Variants in NBAS observed in about 807,000 individuals in gnomAD.
The protein encoded by NBAS is NBAS subunit of NRZ tethering complex.
NBAS carries 219 observed loss-of-function variants against 302.5 expected under a neutral mutation model. The observed-to-expected ratio is 0.72, with a 90% CI of 0.65 to 0.81. NBAS has a LOEUF of 0.81. Ranked by LOEUF, NBAS falls within the 30% of genes least tolerant of loss-of-function variation. The pLI, the probability that NBAS is intolerant of heterozygous loss-of-function variation, is 0.00. For synonymous variants in NBAS, 1,118 were observed against 1,021.6 expected, an observed-to-expected ratio of 1.09 and a Z score of -1.80; for missense variants, 2,932 against 2,841.6, an observed-to-expected ratio of 1.03 and a Z score of -0.72.
At chr2:15,406,836 A>G (rs1243110734) in intron 25 of NBAS, among the ~76,000 whole-genome samples, 2 of 152,204 alleles carry the variant, frequency 1.3e-5, no homozygotes, top group Non-Finnish European at 2.9e-5. Context: ...ACAACACTGA[A>G]ATACCATTTC....
the NBAS span, among the ~76,000 whole-genome samples, chr2:14,857,849 G>A: frequency 3.3e-5 from 5 of 152,264 alleles, no homozygotes; most frequent in Admixed American, 3.3e-4. Flanking sequence ...AAAAGAATCT[G>A]CACAGCAAAG....
At chr2:15,521,384 C>T (rs970607291) in intron 9 of NBAS, among the ~76,000 whole-genome samples, 3 of 152,180 alleles carry the variant, frequency 2.0e-5, no homozygotes, top group Non-Finnish European at 4.4e-5. Context: ...TCCATTCATA[C>T]AGTTGTTCCA....
At chr2:15,138,237 G>A in the NBAS span, among the ~76,000 whole-genome samples, 1 of 152,160 alleles carries the variant, frequency 6.6e-6, no homozygotes, top group Admixed American at 6.5e-5. Context: ...TGCTTCTCTT[G>A]TAGGGGAGAA....
At chr2:15,075,760 TACAC>T in the NBAS span, among the ~76,000 whole-genome samples, 36 of 150,072 alleles carry the variant, frequency 2.4e-4, no homozygotes, top group African/African-American at 6.4e-4. Flanking sequence ...CCAAAATTTA[TACAC>T]ACACACACAC....
the NBAS span, among the ~76,000 whole-genome samples, chr2:14,986,363 C>T: frequency 6.6e-6 from 1 of 152,102 alleles, no homozygotes; most frequent in Non-Finnish European, 1.5e-5. Flanking sequence ...AAAGAATACA[C>T]TTAACACTAC....
the NBAS span, among the ~76,000 whole-genome samples, chr2:14,783,618 A>C: frequency 6.6e-6 from 1 of 150,598 alleles, no homozygotes; most frequent in East Asian, 2.0e-4. Flanking sequence ...ATGATTTCCA[A>C]TTTCATCCAT....
At chr2:15,152,017 T>A in the NBAS span, among the ~76,000 whole-genome samples, 3 of 152,040 alleles carry the variant, frequency 2.0e-5, no homozygotes, top group Non-Finnish European at 4.4e-5. Context: ...CCACCTAATT[T>A]TTGCATTTTT....
At chr2:14,831,800 T>C in the NBAS span, among the ~76,000 whole-genome samples, 1 of 152,162 alleles carries the variant, frequency 6.6e-6, no homozygotes, top group African/African-American at 2.4e-5. Flanking sequence ...CCAATGCTTA[T>C]ATCGTAGGGC....
rs530778522 is a variant in NBAS at position 15,333,927 on chromosome 2, T to C, written c.4180-3162A>G. Among the ~76,000 whole-genome samples the C allele has an allele frequency of 1.3e-4, 19 of 151,118 alleles. No homozygotes were observed. The East Asian group carries it at 3.7e-3, about 29-fold the overall frequency. On this transcript the variant is annotated intron_variant, in intron 35 of 51. Coordinates refer to ENST00000281513, the MANE Select transcript of NBAS (RefSeq NM_015909.4). ...TACAGAGAGGAAACAAAGACCTAGA[T>C]ACATTATTTACCAGCAGTAAAGTCC...
the NBAS span, among the ~76,000 whole-genome samples, chr2:14,794,357 C>T: frequency 6.6e-6 from 1 of 152,192 alleles, no homozygotes; most frequent in Non-Finnish European, 1.5e-5. Context: ...TACAAGTATA[C>T]ATCTAAATTT....
the NBAS span, among the ~76,000 whole-genome samples, chr2:15,111,864 CTTA>C: frequency 1.1e-4 from 16 of 147,846 alleles, no homozygotes; most frequent in Middle Eastern, 3.3e-3. Flanking sequence ...CCAGGCCTCC[CTTA>C]TTATTATATT....
chr2:15,316,668 G>C (rs1020522082), intron 38 of NBAS, among the ~76,000 whole-genome samples: 3 of 152,350 alleles, frequency 2.0e-5, no homozygotes, highest in Non-Finnish European at 2.9e-5. Context: ...AGCCTGGCTG[G>C]GGGAGGGGTG....
intron 30 of NBAS, among the ~76,000 whole-genome samples, chr2:15,377,117 A>G (rs1364737376): frequency 2.0e-5 from 3 of 152,322 alleles, no homozygotes; most frequent in East Asian, 1.9e-4. Context: ...TAAATCATAT[A>G]TAATGAAAAC....
rs150571886 is a variant in NBAS, at chr2:15,359,815, T to TAGAA, written c.3818-3403_3818-3400dup. Among the ~76,000 whole-genome samples, 811 of 152,236 alleles carry TAGAA rather than the reference T, an allele frequency of 5.3e-3. 7 individuals are homozygous for TAGAA. The highest frequency in any genetic ancestry group is 0.018 in the African/African-American group (743 of 41,556). On this transcript the variant is annotated intron_variant, in intron 32 of 51. Coordinates refer to ENST00000281513, the MANE Select transcript of NBAS (RefSeq NM_015909.4). ...ACCCAGCATCAAGTTATGCACATAA[T>TAGAA]AGAAAGGCTCAAAAAAATACAGTCA...
the NBAS span, among the ~76,000 whole-genome samples, chr2:15,050,157 C>T: frequency 6.6e-6 from 1 of 152,174 alleles, no homozygotes; most frequent in African/African-American, 2.4e-5. Context: ...CATTTCAGCT[C>T]AGCAACGTCA....
Position 15,329,788 on chromosome 2 carries a change from G to A in NBAS, c.4347+810C>T, listed in dbSNP as rs190499951. Among the ~76,000 whole-genome samples, 354 of 152,234 alleles carry A rather than the reference G, an allele frequency of 2.3e-3. 1 individual carries two copies. The highest frequency in any genetic ancestry group is 7.1e-3 in the South Asian group (34 of 4,812). The stretch of plus-strand genomic sequence containing the variant: ...CCTTGGTTCAATCATATCTCTGCTC[G>A]AAGTGACTCCTTTTCTGAAAAACCT... On this transcript the variant is annotated intron_variant, in intron 36 of 51. Coordinates refer to ENST00000281513, the MANE Select transcript of NBAS (RefSeq NM_015909.4).
chr2:15,251,183 C>A (rs1668348441), intron 44 of NBAS, among the ~76,000 whole-genome samples: 1 of 152,160 alleles, frequency 6.6e-6, no homozygotes, highest in Admixed American at 6.5e-5. Flanking sequence ...TGAAAAACAT[C>A]ATTCTCAGCA....
chr2:15,111,501 AG>A, the NBAS span, among the ~76,000 whole-genome samples: 1 of 152,120 alleles, frequency 6.6e-6, no homozygotes, highest in Non-Finnish European at 1.5e-5. Context: ...TCAAAAGTTC[AG>A]GGTACCCATT....
At chr2:15,458,269 G>A (rs992568598) in intron 21 of NBAS, among the ~76,000 whole-genome samples, 3 of 152,208 alleles carry the variant, frequency 2.0e-5, no homozygotes, top group East Asian at 3.9e-4. Context: ...AATCCTCCTA[G>A]AAGAGGTTAT....
Sources: gnomAD v4.1 joint callset for allele counts (sites outside exome capture counted in the v4.1 genomes callset) on GRCh38, gnomAD v4.1.1 for gene constraint, MANE v1.5 for transcripts, NCBI Gene and HGNC (gene_info 2026-07-23, HGNC 2026-07-21) for gene names.